Variants in DAB1 observed in about 807,000 individuals in gnomAD.
The protein encoded by DAB1 is disabled homolog 1.
DAB1 carries 15 observed loss-of-function variants against 64.6 expected under a neutral mutation model. That is an observed-to-expected ratio of 0.23 (90% CI 0.16 to 0.36). The LOEUF (loss-of-function observed/expected upper bound fraction) is 0.36. DAB1 is among the 10% of genes least tolerant of loss of function. DAB1 has a pLI of 1.00. For synonymous variants in DAB1, 235 were observed against 251.9 expected (o/e 0.93, Z 0.64); for missense variants, 596 against 706.7 (o/e 0.84, Z 1.78).
chr1:57,917,848 G>A (rs1644750046), intron 5 of DAB1, among the ~76,000 whole-genome samples: 1 of 152,054 alleles, frequency 6.6e-6, no homozygotes, highest in South Asian at 2.1e-4. Flanking sequence ...TGAGACACCA[G>A]TAAATAGACA....
chr1:58,530,173 G>A (rs905883535), intron 1 of DAB1, among the ~76,000 whole-genome samples: 8 of 152,130 alleles, frequency 5.3e-5, no homozygotes, highest in East Asian at 1.9e-4. Context: ...GAGCCACGGC[G>A]CCCGGCCAAT....
chr1:57,115,749 CTTCT>C (rs1372224911), intron 4 of DAB1, among the ~76,000 whole-genome samples: 1 of 152,070 alleles, frequency 6.6e-6, no homozygotes, highest in East Asian at 1.9e-4. Flanking sequence ...TCTGAGCAGG[CTTCT>C]TAAAGGTGAA....
rs998589569 is a variant in DAB1, at chr1:57,608,942, G to A, written n.625+40650C>T. ...TCTTTAAGTTATTGTGAAGACATGC[G>A]GTATTGAGCTTAATTCTGCCTTGAT... On this transcript the variant is annotated intron_variant and non_coding_transcript_variant, in intron 7 of 20. Transcript: ENST00000485760. 6.6e-5 allele frequency among the ~76,000 whole-genome samples: 10 copies of A among 152,062 alleles called. 1 individual carries two copies. The highest frequency in any genetic ancestry group is 1.9e-4 in the East Asian group (1 of 5,190).
intron 5 of DAB1, among the ~76,000 whole-genome samples, chr1:58,060,633 T>C (rs192977509): frequency 6.6e-6 from 1 of 152,162 alleles, no homozygotes; most frequent in Non-Finnish European, 1.5e-5. Context: ...CTGTGGGGTT[T>C]TCGGGGTCTC....
rs1645971552 is a variant in DAB1 at position 57,978,263 on chromosome 1, A to G, written n.388-94101T>C. 3.3e-5 allele frequency among the ~76,000 whole-genome samples: 5 copies of G among 152,320 alleles called. No individual in the cohort carries two copies. The South Asian group carries it at 1.0e-3, about 32-fold the overall frequency. The stretch of plus-strand genomic sequence containing the variant: ...ACAGAGGCCTCAGAAATAACACCAC[A>G]CATCTACAACAATCTGATCTTTGAC... On this transcript the variant is annotated intron_variant and non_coding_transcript_variant, in intron 5 of 20. Transcript: ENST00000485760.
At chr1:57,405,419 G>A (rs369496647) in intron 1 of DAB1, among the ~76,000 whole-genome samples, 6 of 152,272 alleles carry the variant, frequency 3.9e-5, no homozygotes, top group Admixed American at 1.3e-4. Context: ...GAACTTGCAC[G>A]TGAGGGAGAT....
intron 3 of DAB1, among the ~76,000 whole-genome samples, chr1:58,444,134 G>C (rs906062861): frequency 6.6e-6 from 1 of 152,160 alleles, no homozygotes; most frequent in Non-Finnish European, 1.5e-5. Context: ...TGAAGAAATT[G>C]CTCAGCATCT....
At chr1:57,684,960 CT>C (rs57208939) in intron 6 of DAB1, among the ~76,000 whole-genome samples, 103,678 of 147,780 alleles carry the variant, frequency 0.7, 36,728 homozygotes, top group East Asian at 0.92. Context: ...TTTCTTTTTT[CT>C]TTTTTTTTTT....
At chr1:57,532,218 G>C (rs543944740) in intron 7 of DAB1, among the ~76,000 whole-genome samples, 114 of 149,078 alleles carry the variant, frequency 7.6e-4, no homozygotes, top group Middle Eastern at 3.4e-3. Context: ...GACAGGGTTG[G>C]GGGAGGAGTG....
intron 7 of DAB1, among the ~76,000 whole-genome samples, chr1:57,507,076 A>G (rs2101335711): frequency 6.6e-6 from 1 of 152,282 alleles, no homozygotes. Context: ...CTAATCATGT[A>G]GCCCCACTGC....
At chr1:57,961,693 G>T (rs1179934532) in intron 5 of DAB1, among the ~76,000 whole-genome samples, 1 of 152,184 alleles carries the variant, frequency 6.6e-6, no homozygotes, top group Admixed American at 6.5e-5. Flanking sequence ...GTTCGGCTGG[G>T]TGTGGTGGCT....
intron 7 of DAB1, among the ~76,000 whole-genome samples, chr1:57,446,598 CAAA>C (rs11418380): frequency 1.5e-5 from 2 of 132,790 alleles, no homozygotes; most frequent in African/African-American, 3.1e-5. Flanking sequence ...AACTCCGTTG[CAAA>C]AAAAAAAAAA....
intron 6 of DAB1, among the ~76,000 whole-genome samples, chr1:57,691,687 A>G (rs950745007): frequency 1.3e-5 from 2 of 152,092 alleles, no homozygotes; most frequent in African/African-American, 2.4e-5. Context: ...CATCTTTAAG[A>G]GCTGTAACAC....
chr1:57,173,902 T>G (rs1662034426), intron 2 of DAB1, among the ~76,000 whole-genome samples: 1 of 152,164 alleles, frequency 6.6e-6, no homozygotes, highest in African/African-American at 2.4e-5. Flanking sequence ...AGTCTGAAAT[T>G]TCATGGGATT....
At chr1:57,945,117 C>T (rs1048951793) in intron 5 of DAB1, among the ~76,000 whole-genome samples, 11 of 152,218 alleles carry the variant, frequency 7.2e-5, no homozygotes, top group African/African-American at 1.9e-4. Flanking sequence ...TATACAAAAC[C>T]GGCGATTTCT....
At chr1:57,783,048 TTTCCTTCC>T (rs3081036) in intron 6 of DAB1, among the ~76,000 whole-genome samples, 2 of 118,420 alleles carry the variant, frequency 1.7e-5, no homozygotes, top group East Asian at 2.6e-4. Context: ...TCTTTCTTTC[TTTCCTTCC>T]TTCCTTCCTT....
At chr1:57,900,920 G>C (rs553339055) in intron 5 of DAB1, among the ~76,000 whole-genome samples, 4 of 152,250 alleles carry the variant, frequency 2.6e-5, no homozygotes, top group Admixed American at 2.6e-4. Flanking sequence ...ACCTAGCACA[G>C]AGCCTGGAAC....
chr1:57,198,934 GT>G (rs1208059751), intron 2 of DAB1, among the ~76,000 whole-genome samples: 1 of 152,192 alleles, frequency 6.6e-6, no homozygotes, highest in Non-Finnish European at 1.5e-5. Flanking sequence ...AGATCCCAAG[GT>G]CAAGGTCTTG....
chr1:58,452,779 G>A (rs866429770), intron 3 of DAB1, among the ~76,000 whole-genome samples: 2 of 150,762 alleles, frequency 1.3e-5, no homozygotes, highest in Non-Finnish European at 2.9e-5. Flanking sequence ...GGTGAGCCAC[G>A]ATTAAGCAAC....
Sources: allele counts gnomAD v4.1 joint callset (sites outside exome capture counted in the v4.1 genomes callset), GRCh38; gene constraint gnomAD v4.1.1; transcripts MANE v1.5; gene names NCBI Gene and HGNC (gene_info 2026-07-23, HGNC 2026-07-21).